CDH12: variants seen among roughly 807,000 people sequenced by gnomAD.
CDH12 encodes cadherin-12.
CDH12 carries 41 observed loss-of-function variants against 74.1 expected under a neutral mutation model. That is an observed-to-expected ratio of 0.55 (90% CI 0.43 to 0.72). The LOEUF (loss-of-function observed/expected upper bound fraction) is 0.72, where lower values mean the gene tolerates loss of function less well. Ranked by LOEUF, CDH12 falls within the 30% of genes least tolerant of loss-of-function variation. The pLI, the probability that CDH12 is intolerant of heterozygous loss-of-function variation, is 0.00. For missense variants in CDH12, 945 were observed against 977.2 expected, an observed-to-expected ratio of 0.97 and a Z score of 0.44; for synonymous variants, 399 against 355.0, an observed-to-expected ratio of 1.12 and a Z score of -1.39.
At chr5:22,512,379 T>TA (rs989383577) in intron 1 of CDH12, among the ~76,000 whole-genome samples, 4 of 151,966 alleles carry the variant, frequency 2.6e-5, no homozygotes, top group South Asian at 2.1e-4. Context: ...GGGGTGGTGG[T>TA]AAAAAAAGCA....
At chr5:22,814,537 A>C (rs2126457609) in intron 1 of CDH12, among the ~76,000 whole-genome samples, 1 of 152,300 alleles carries the variant, frequency 6.6e-6, no homozygotes, top group Admixed American at 6.5e-5. Flanking sequence ...TTGATCTATT[A>C]TTTAGAAAAT....
chr5:22,606,458 A>G (rs1420115811), intron 1 of CDH12, among the ~76,000 whole-genome samples: 3 of 152,174 alleles, frequency 2.0e-5, no homozygotes, highest in Non-Finnish European at 4.4e-5. Flanking sequence ...TAATTGAATC[A>G]TGGGAGCAGT....
chr5:22,190,256 A>G (rs898422439), intron 4 of CDH12, among the ~76,000 whole-genome samples: 1 of 151,998 alleles, frequency 6.6e-6, no homozygotes, highest in African/African-American at 2.4e-5. Context: ...ATATGACACT[A>G]CATATAGACA....
chr5:22,203,282 TCTA>T (rs1262026020), intron 4 of CDH12, among the ~76,000 whole-genome samples: 9 of 152,150 alleles, frequency 5.9e-5, no homozygotes, highest in African/African-American at 2.2e-4. Context: ...TAACCTCTAA[TCTA>T]CTCTCTACTT....
intron 4 of CDH12, among the ~76,000 whole-genome samples, chr5:22,144,479 C>T (rs530224426): frequency 1.9e-4 from 29 of 152,258 alleles, no homozygotes; most frequent in Non-Finnish European, 3.4e-4. Context: ...TAGATTTGAA[C>T]TCTTTTGATT....
intron 6 of CDH12, among the ~76,000 whole-genome samples, chr5:21,941,863 A>G (rs1478968185): frequency 6.6e-6 from 1 of 151,932 alleles, no homozygotes; most frequent in Non-Finnish European, 1.5e-5. Flanking sequence ...GTTTCTGTAT[A>G]TGAAAACTGA....
intron 1 of CDH12, among the ~76,000 whole-genome samples, chr5:22,809,098 A>AT (rs1748981501): frequency 6.6e-6 from 1 of 151,976 alleles, no homozygotes; most frequent in Non-Finnish European, 1.5e-5. Flanking sequence ...AAAAAAAAAA[A>AT]CTGTGTAATA....
intron 2 of CDH12, among the ~76,000 whole-genome samples, chr5:22,473,081 G>T (rs1746031529): frequency 6.6e-6 from 1 of 152,036 alleles, no homozygotes; most frequent in Admixed American, 6.6e-5. Flanking sequence ...TGGCTAATGA[G>T]CTTTGGGCAT....
chr5:22,262,441 C>A (rs1031964976), intron 3 of CDH12, among the ~76,000 whole-genome samples: 6 of 151,860 alleles, frequency 4.0e-5, no homozygotes, highest in African/African-American at 1.5e-4. Flanking sequence ...CTACAAAGGA[C>A]GTGAACTCAT....
At chr5:22,161,937 A>T (rs1312554553) in intron 4 of CDH12, among the ~76,000 whole-genome samples, 6 of 151,750 alleles carry the variant, frequency 4.0e-5, no homozygotes, top group South Asian at 2.1e-4. Flanking sequence ...TTAATCTTTC[A>T]TTAAACTGGT....
At chr5:21,804,379 C>A (rs913357684) in intron 9 of CDH12, among the ~76,000 whole-genome samples, 2 of 152,006 alleles carry the variant, frequency 1.3e-5, no homozygotes, top group Non-Finnish European at 2.9e-5. Context: ...AGAAATCAGA[C>A]TCAAGAAAAG....
chr5:22,615,327 T>C (rs957578394), intron 1 of CDH12, among the ~76,000 whole-genome samples: 2 of 152,154 alleles, frequency 1.3e-5, no homozygotes, highest in Non-Finnish European at 2.9e-5. Flanking sequence ...TGAAATAATA[T>C]ATTTTTTATT....
At chr5:22,005,354 C>G (rs192077589) in intron 5 of CDH12, among the ~76,000 whole-genome samples, 1 of 152,006 alleles carries the variant, frequency 6.6e-6, no homozygotes, top group Non-Finnish European at 1.5e-5. Flanking sequence ...TAGTATGTAC[C>G]GTATTTTCTT....
intron 1 of CDH12, among the ~76,000 whole-genome samples, chr5:22,793,783 C>T (rs1324978934): frequency 6.6e-6 from 1 of 150,896 alleles, no homozygotes; most frequent in Non-Finnish European, 1.5e-5. Flanking sequence ...ATTTATGGAA[C>T]CACCATCAGA....
chr5:21,927,704 G>A (rs1374033443), intron 6 of CDH12, among the ~76,000 whole-genome samples: 1 of 151,990 alleles, frequency 6.6e-6, no homozygotes, highest in Non-Finnish European at 1.5e-5. Context: ...GGAAAGAACT[G>A]GAAAGACTGT....
intron 1 of CDH12, among the ~76,000 whole-genome samples, chr5:22,505,620 G>A (rs984602179): frequency 1.3e-5 from 2 of 151,918 alleles, no homozygotes; most frequent in African/African-American, 4.8e-5. Flanking sequence ...GTGATAGATG[G>A]ATCCAAATGA....
intron 5 of CDH12, among the ~76,000 whole-genome samples, chr5:21,995,162 C>A (rs1365141526): frequency 2.0e-5 from 3 of 152,016 alleles, no homozygotes; most frequent in Non-Finnish European, 2.9e-5. Flanking sequence ...AGAACTGGAA[C>A]ACTCACCGCG....
At chr5:22,162,099 C>T (rs1394022725) in intron 4 of CDH12, among the ~76,000 whole-genome samples, 1 of 150,462 alleles carries the variant, frequency 6.6e-6, no homozygotes, top group Non-Finnish European at 1.5e-5. Flanking sequence ...GTTTTTCATC[C>T]TACAGCATAC....
chr5:21,972,685 C>G (rs140398918), intron 6 of CDH12, among the ~76,000 whole-genome samples: 2 of 151,958 alleles, frequency 1.3e-5, no homozygotes, highest in African/African-American at 2.4e-5. Flanking sequence ...ATAATTGGGT[C>G]TCCTTGTTTT....
Sources: gnomAD v4.1 joint callset for allele counts (sites outside exome capture counted in the v4.1 genomes callset) on GRCh38, gnomAD v4.1.1 for gene constraint, MANE v1.5 for transcripts, NCBI Gene and HGNC (gene_info 2026-07-23, HGNC 2026-07-21) for gene names.